Variants in CDH1 observed in about 807,000 individuals in gnomAD.
CDH1 encodes cadherin 1, also known as cadherin-1.
Under a neutral mutation model 84.5 loss-of-function variants are expected in CDH1, and 35 were observed. The observed-to-expected ratio is 0.41, with a 90% confidence interval of 0.32 to 0.55. The LOEUF (loss-of-function observed/expected upper bound fraction) is 0.55. CDH1 is among the 20% of genes least tolerant of loss of function. The probability of loss-of-function intolerance (pLI) is 0.19; values close to 1 mark genes in which losing one functional copy is unlikely to be tolerated. For missense variants in CDH1, 994 were observed against 1,126.6 expected, an observed-to-expected ratio of 0.88 and a Z score of 1.68; for synonymous variants, 417 against 439.0, an observed-to-expected ratio of 0.95 and a Z score of 0.63.
chr16:68,786,831 CTG>C (rs543252278), intron 2 of CDH1, among the ~76,000 whole-genome samples: 25 of 152,320 alleles, frequency 1.6e-4, no homozygotes, highest in Non-Finnish European at 1.8e-4. Flanking sequence ...GACCTGGAGA[CTG>C]TGGGAAATGC....
At chr16:68,831,565 G>A (rs1961485751) in intron 15 of CDH1, among the ~76,000 whole-genome samples, 1 of 150,482 alleles carries the variant, frequency 6.6e-6, no homozygotes, top group Non-Finnish European at 1.5e-5. Context: ...TTTTGAGACA[G>A]TTTCACTCTT....
At chr16:68,793,447 C>G (rs1387437091) in intron 2 of CDH1, among the ~76,000 whole-genome samples, 1 of 152,214 alleles carries the variant, frequency 6.6e-6, no homozygotes, top group Non-Finnish European at 1.5e-5. Flanking sequence ...TTCTCAGATC[C>G]ATTCAGCTAG....
chr16:68,781,206 A>G (rs1399728319), intron 2 of CDH1, among the ~76,000 whole-genome samples: 1 of 152,178 alleles, frequency 6.6e-6, no homozygotes, highest in Non-Finnish European at 1.5e-5. Flanking sequence ...ATTTATCTGC[A>G]GGTCAGAGGG....
At position 68,750,150 on chromosome 16, in the gene CDH1, C is replaced by CTTTTTTTTTTTTTTTTTTTTTTTTTT. The variant is rs34551002; in HGVS notation, c.163+11749_163+11750insTTTTTTTTTTTTTTTTTTTTTTTTTT. Among the ~76,000 whole-genome samples the CTTTTTTTTTTTTTTTTTTTTTTTTTT allele has an allele frequency of 2.7e-4, 21 of 79,144 alleles. 2 individuals are homozygous for CTTTTTTTTTTTTTTTTTTTTTTTTTT. The highest frequency in any genetic ancestry group is 4.3e-4 in the East Asian group (1 of 2,326). The allele number at this position is 79,144 out of a possible 152,430, so 51.9% of individuals were successfully genotyped here. On this transcript the variant is annotated intron_variant, in intron 2 of 15. Transcript: ENST00000261769. Reference sequence around the variant, plus strand: ...TTTTGATTGTGATGCTAGAATTCAGCTTTTTTTTTTGCCTTTGGAAGGCCT... The same window carrying CTTTTTTTTTTTTTTTTTTTTTTTTTT: ...TTTTGATTGTGATGCTAGAATTCAGCTTTTTTTTTTTTTTTTTTTTTTTTTTTTTTTTTTTTGCCTTTGGAAGGCCT...
intron 2 of CDH1, among the ~76,000 whole-genome samples, chr16:68,797,350 C>T (rs1039444625): frequency 2.6e-5 from 4 of 152,220 alleles, no homozygotes; most frequent in Admixed American, 2.6e-4. Flanking sequence ...TGTGCCACTG[C>T]ACTTTAGCCT....
intron 2 of CDH1, among the ~76,000 whole-genome samples, chr16:68,768,794 A>G (rs924637496): frequency 3.9e-5 from 6 of 152,200 alleles, no homozygotes; most frequent in Non-Finnish European, 7.3e-5. Context: ...GGTCTCTATT[A>G]TTATCTTATA....
chr16:68,810,922 T>A (rs2152131525), intron 6 of CDH1, among the ~76,000 whole-genome samples: 1 of 152,082 alleles, frequency 6.6e-6, no homozygotes, highest in East Asian at 1.9e-4. Context: ...TCCAGGCTAC[T>A]TTCAAACTCC....
intron 12 of CDH1, 99 bp from the exon 13 acceptor site, chr16:68,823,300 G>A (rs894006213): frequency 1.8e-5 from 15 of 833,316 alleles, no homozygotes; most frequent in East Asian, 7.3e-5. Flanking sequence ...CTCTTCACTC[G>A]GCTTGCGGGT....
chr16:68,743,293 T>C (rs1250357065), intron 2 of CDH1, among the ~76,000 whole-genome samples: 3 of 6,182 alleles, frequency 4.9e-4, no homozygotes, highest in Admixed American at 1.8e-3. Context: ...CTTTCTTTCT[T>C]TCTTTCTTTC....
At chr16:68,808,883 T>C in intron 5 of CDH1, 35 bp downstream of exon 5, 1 of 1,609,552 alleles carries the variant, frequency 6.2e-7, no homozygotes, top group Non-Finnish European at 8.5e-7. Flanking sequence ...GACACCGGGG[T>C]AACATCCACC....
chr16:68,794,402 G>A (rs1380516567), intron 2 of CDH1, among the ~76,000 whole-genome samples: 1 of 152,180 alleles, frequency 6.6e-6, no homozygotes, highest in Non-Finnish European at 1.5e-5. Context: ...TCAAGTGAGA[G>A]TCAGTGTTCC....
chr16:68,799,429 G>A (rs763619949), intron 2 of CDH1, among the ~76,000 whole-genome samples: 25 of 152,156 alleles, frequency 1.6e-4, no homozygotes, highest in Non-Finnish European at 3.4e-4. Context: ...TCCTGGTTTC[G>A]TTGCTCAGTT....
intron 2 of CDH1, among the ~76,000 whole-genome samples, chr16:68,759,309 G>A (rs57526595): frequency 6.6e-6 from 1 of 152,006 alleles, no homozygotes; most frequent in African/African-American, 2.4e-5. Context: ...ACCAGCCTGG[G>A]CAACATAGCA....
rs1221801902 is a variant in CDH1, at chr16:68,737,475, C to A, written c.48+12C>A. 6 of 1,536,464 alleles carry A rather than the reference C, an allele frequency of 3.9e-6. No homozygotes were observed. In the South Asian group the frequency reaches 6.0e-5, roughly 15 times the overall value. On this transcript the variant is annotated intron_variant, in intron 1 of 15. Coordinates refer to ENST00000261769, the MANE Select transcript of CDH1 (RefSeq NM_004360.5). ...TGCTGCTGCTGCAGGTACCCCGGAT[C>A]CCCTGACTTGCGAGGGACGCATTCG... is the stretch of plus-strand genomic sequence containing the variant.
chr16:68,811,993 G>T, intron 7 of CDH1, 134 bp downstream of exon 7: 1 of 1,333,218 alleles, frequency 7.5e-7, no homozygotes, highest in Non-Finnish European at 1.1e-6. Flanking sequence ...CTAAGCTTGT[G>T]CCCAGAGGTT....
chr16:68,823,686 C>T, intron 13 of CDH1, 60 bp downstream of exon 13: 1 of 1,139,728 alleles, frequency 8.8e-7, no homozygotes, highest in Non-Finnish European at 1.3e-6. Flanking sequence ...AGGTTTATTT[C>T]CTGGAAATGA....
intron 2 of CDH1, among the ~76,000 whole-genome samples, chr16:68,777,199 A>G (rs1005890211): frequency 1.3e-5 from 2 of 152,166 alleles, no homozygotes; most frequent in African/African-American, 4.8e-5. Context: ...AAAACCCTTC[A>G]TGAAAGCATA....
chr16:68,763,929 C>A (rs1480868280), intron 2 of CDH1, among the ~76,000 whole-genome samples: 2 of 152,172 alleles, frequency 1.3e-5, no homozygotes, highest in African/African-American at 4.8e-5. Context: ...GATCCCACTG[C>A]AAGGACAACC....
intron 13 of CDH1, 43 bp downstream of exon 13, chr16:68,823,669 A>C: frequency 7.7e-7 from 1 of 1,293,016 alleles, no homozygotes; most frequent in Non-Finnish European, 1.1e-6. Context: ...ACTTAAAAAA[A>C]TGGAGGAGGT....
Sources: allele counts gnomAD v4.1 joint callset (sites outside exome capture counted in the v4.1 genomes callset), GRCh38; gene constraint gnomAD v4.1.1; transcripts MANE v1.5; gene names NCBI Gene and HGNC (gene_info 2026-07-23, HGNC 2026-07-21).